The following KASH5 variants were observed in gnomAD, a reference collection of about 807,000 sequenced individuals.
The protein encoded by KASH5 is protein KASH5.
A neutral mutation model predicts 84.2 loss-of-function variants in KASH5; 72 were observed. The observed-to-expected ratio is 0.85, with a 90% CI of 0.71 to 1.04. The LOEUF (loss-of-function observed/expected upper bound fraction) is 1.04. KASH5 is among the 50% of genes least tolerant of loss of function. The pLI, the probability that KASH5 is intolerant of heterozygous loss-of-function variation, is 0.00. For synonymous variants in KASH5, 260 were observed against 279.1 expected (o/e 0.93, Z 0.68); for missense variants, 650 against 701.0 (o/e 0.93, Z 0.82).
intron 5 of KASH5, among the ~76,000 whole-genome samples, chr19:49,396,884 C>T (rs953908257): frequency 7.2e-5 from 11 of 151,998 alleles, no homozygotes; most frequent in Non-Finnish European, 1.5e-4. Flanking sequence ...CATAGTGAGA[C>T]ACCATCTCTA....
In KASH5 at chr19:49,417,836, A is replaced by C; in HGVS notation, c.*326A>C. On this transcript the variant is annotated 3_prime_UTR_variant, in exon 20 of 20. Coordinates refer to ENST00000447857, the MANE Select transcript of KASH5 (RefSeq NM_144688.5). The surrounding 1 kb of genome is among the most constrained non-coding windows in gnomAD (Gnocchi z 5.2). ...CAGTGATTCTCCTGTCCCCTCCCTC[A>C]TGCTCAGGAGTTGGCAGTTGTAGCT... 5.4e-5 allele frequency: 15 copies of C among 280,184 alleles called. No individual in the cohort carries two copies. The highest frequency in any genetic ancestry group is 6.6e-5 in the Non-Finnish European group (10 of 150,790). 17.4% of individuals were successfully genotyped at this position (280,184 alleles called of 1,614,324 possible). A position where few individuals can be genotyped will look rare whatever the true frequency, so the allele number is the denominator to read the frequency against.
At chr19:49,393,682 CGTGTGTGTGTGTGTGTGTGTGTGTGT>C (rs34539350) in intron 2 of KASH5, 2 of 142,432 alleles carry the variant, frequency 1.4e-5, no homozygotes, top group African/African-American at 2.6e-5. Flanking sequence ...GACCCCAGGA[CGTGTGTGTGTGTGTGTGTGTGTGTGT>C]GTGTGTGTGT....
intron 15 of KASH5, among the ~76,000 whole-genome samples, chr19:49,411,653 G>A (rs761709256): frequency 2.2e-4 from 34 of 151,952 alleles, no homozygotes; most frequent in Non-Finnish European, 4.7e-4. Flanking sequence ...GCCTCAGAGT[G>A]CAACCTGCGA....
In KASH5 at chr19:49,417,160, C is replaced by G; in HGVS notation, c.1441C>G (p.Pro481Ala). 1 of 1,613,586 alleles carries G rather than the reference C, an allele frequency of 6.2e-7. No homozygotes were observed. The change falls in exon 19 of 20, where the codon CCT (proline) becomes GCT (alanine). Residue 481 changes from proline (P) to alanine (A), a missense_variant and splice_region_variant. By Grantham distance (27) the Pro-to-Ala change is conservative (BLOSUM62 -1). Transcript: ENST00000447857. The surrounding 1 kb of genome is among the most constrained non-coding windows in gnomAD (Gnocchi z 5.2). ...GDIPENPPER[P>A]ARRELQQALV... ...TGATTCCCTCCTTCACCCCAGCAGA[C>G]CTGCGCGGCGGGAACTCCAGCAAGC...
intron 9 of KASH5, among the ~76,000 whole-genome samples, chr19:49,400,954 G>A (rs532070692): frequency 2.6e-5 from 4 of 152,304 alleles, no homozygotes; most frequent in African/African-American, 9.6e-5. Flanking sequence ...TATCTAAGTT[G>A]CAGGAGACTG....
chr19:49,394,162 T>C (rs1974097834), intron 2 of KASH5, among the ~76,000 whole-genome samples: 1 of 152,000 alleles, frequency 6.6e-6, no homozygotes, highest in South Asian at 2.1e-4. Context: ...CCTCTCTGAG[T>C]CCAGCCTGGG....
At chr19:49,413,783 G>A (rs1600955716) in intron 16 of KASH5, among the ~76,000 whole-genome samples, 1 of 152,084 alleles carries the variant, frequency 6.6e-6, no homozygotes, top group Admixed American at 6.5e-5. Flanking sequence ...TGAATACAAC[G>A]GCTCCTAAAT....
intron 10 of KASH5, 110 bp downstream of exon 10, chr19:49,407,073 G>A (rs1030279534): frequency 2.3e-6 from 3 of 1,317,986 alleles, no homozygotes; most frequent in African/African-American, 2.9e-5. Flanking sequence ...CCATCAAGCT[G>A]TCAGGCTCCC....
rs1974274515 is a variant in KASH5, at chr19:49,398,993, C to G, written c.630-32C>G. 3.3e-6 allele frequency: 5 copies of G among 1,494,924 alleles called. No homozygotes were observed. The South Asian group carries it at 3.6e-5, about 11-fold the overall frequency. The allele number at this position is 1,494,924 out of a possible 1,614,324, so 92.6% of individuals were successfully genotyped here. On this transcript the variant is annotated intron_variant, in intron 7 of 19. Transcript: ENST00000447857. ...TGTGCTTCTCTGCCTTCCTCCCTCT[C>G]GTATGGCTCATCTGCCCCCACCCGC...
In KASH5 at chr19:49,414,984, G is replaced by C; in HGVS notation, c.1362G>C (p.Glu454Asp). The change falls in exon 17 of 20, where the codon GAG becomes GAC. Residue 454 changes from glutamate to aspartate, a missense_variant. Transcript: ENST00000447857. This position sits in a 1 kb window ranked among gnomAD's most constrained non-coding sequence, Gnocchi z 4.5. The stretch of plus-strand genomic sequence containing the variant: ...GAAGAGAGGAAGAGGAGGATGCAGA[G>C]AGCCAGGTCACGGTAGGCAGTCCCC... ...LTRREEEEDAESQVTADLPVP... is the reference protein window; with the variant it reads ...LTRREEEEDADSQVTADLPVP... 1.9e-6 allele frequency: 3 copies of C among 1,613,024 alleles called. No homozygotes were observed. The highest frequency in any genetic ancestry group is 2.2e-5 in the South Asian group (2 of 90,688).
In KASH5 at chr19:49,417,025, C is replaced by A; in HGVS notation, c.1385C>A (p.Pro462His). ...DAESQVTADLPVPLGAPRPGD... is the reference protein window; with the variant it reads ...DAESQVTADLHVPLGAPRPGD... Reference sequence around the variant, plus strand: ...CTTCTGTCCTTGCAGGCTGATCTCCCTGTCCCTCTAGGAGCCCCTCGCCCT... The same window carrying A: ...CTTCTGTCCTTGCAGGCTGATCTCCATGTCCCTCTAGGAGCCCCTCGCCCT... Residue 462 changes from proline (P) to histidine (H), a missense_variant, in exon 18 of 20, where the codon CCT becomes CAT. Physicochemically the swap from Pro to His is moderately conservative, Grantham distance 77. Transcript: ENST00000447857. The surrounding 1 kb of genome is among the most constrained non-coding windows in gnomAD (Gnocchi z 5.2). 6.3e-7 allele frequency: 1 copy of A among 1,589,460 alleles called. No individual in the cohort carries two copies.
At chr19:49,400,440 A>G (rs1974330591) in intron 9 of KASH5, among the ~76,000 whole-genome samples, 1 of 141,428 alleles carries the variant, frequency 7.1e-6, no homozygotes, top group African/African-American at 2.7e-5. Flanking sequence ...ATCTTACCTC[A>G]TGGCAACCAC....
rs114582767 is a variant in KASH5, at chr19:49,409,067, G to T, written c.1058+36G>T. On this transcript the variant is annotated intron_variant, in intron 13 of 19. Transcript: ENST00000447857. ...TTTCAAGGGGTAGGAGGAGGCAGGA[G>T]GGGAGCCTAAGGGCAGGGACACCCT... 4.7e-3 allele frequency: 7,367 copies of T among 1,581,454 alleles called. 262 individuals carry two copies. The African/African-American group carries it at 0.082, about 18-fold the overall frequency.
Position 49,407,221 on chromosome 19 carries a change from C to T in KASH5, c.877-19C>T, listed in dbSNP as rs777175342. On this transcript the variant is annotated intron_variant, in intron 10 of 19. Coordinates refer to ENST00000447857, the MANE Select transcript of KASH5 (RefSeq NM_144688.5). Reference sequence around the variant, plus strand: ...AGTCCTGGGAGGCTGGATGGATGGACCGGCTCCTTTCTTGGCAGCGGCAGC... The same window carrying T: ...AGTCCTGGGAGGCTGGATGGATGGATCGGCTCCTTTCTTGGCAGCGGCAGC... 41 of 1,612,764 alleles carry T rather than the reference C, an allele frequency of 2.5e-5. 1 individual carries two copies. The South Asian group carries it at 3.0e-4, about 12-fold the overall frequency.
At chr19:49,392,139 G>A (rs1974022489) in intron 2 of KASH5, among the ~76,000 whole-genome samples, 1 of 152,000 alleles carries the variant, frequency 6.6e-6, no homozygotes, top group Non-Finnish European at 1.5e-5. Context: ...AGGAAAGGTA[G>A]GAACACACCC....
At chr19:49,400,836 C>T (rs1160224727) in intron 9 of KASH5, among the ~76,000 whole-genome samples, 1 of 152,194 alleles carries the variant, frequency 6.6e-6, no homozygotes, top group Non-Finnish European at 1.5e-5. Context: ...CCATCCAAGA[C>T]AGAAAAACAT....
intron 15 of KASH5, among the ~76,000 whole-genome samples, chr19:49,410,669 G>T (rs1025754959): frequency 1.3e-5 from 2 of 152,006 alleles, no homozygotes; most frequent in African/African-American, 4.8e-5. Flanking sequence ...ATTTTTTTTA[G>T]TAGAGACGGG....
intron 3 of KASH5, 50 bp downstream of exon 3, chr19:49,394,630 G>A: frequency 4.2e-6 from 6 of 1,432,194 alleles, no homozygotes; most frequent in Non-Finnish European, 5.9e-6. Flanking sequence ...AGGATGGGGT[G>A]GAGGCTGGGA....
At position 49,416,929 on chromosome 19, in the gene KASH5, T is replaced by C; in HGVS notation, c.1375-86T>C. ...ATCTCCTGAGCTCCACCACTTTCTA[T>C]GTGGCCACTTGTGTCCAGTGGGCTG... is the stretch of plus-strand genomic sequence containing the variant. On this transcript the variant is annotated intron_variant, in intron 17 of 19. Transcript: ENST00000447857. The surrounding 1 kb of genome is among the most constrained non-coding windows in gnomAD (Gnocchi z 5.4). 3.8e-6 allele frequency: 5 copies of C among 1,325,746 alleles called. No individual in the cohort carries two copies. The highest frequency in any genetic ancestry group is 5.3e-6 in the Non-Finnish European group (5 of 944,350). The allele number at this position is 1,325,746 out of a possible 1,614,324, so 82.1% of individuals were successfully genotyped here.
Sources: gnomAD v4.1 joint callset for allele counts (sites outside exome capture counted in the v4.1 genomes callset) on GRCh38, gnomAD v4.1.1 for gene constraint, Gnocchi (gnomAD v3.1) non-coding constraint, MANE v1.5 for transcripts, NCBI Gene and HGNC (gene_info 2026-07-23, HGNC 2026-07-21) for gene names.